Variants in GPHN observed in about 807,000 individuals in gnomAD.
GPHN encodes gephyrin.
In GPHN, 17 loss-of-function variants were observed where a neutral mutation model predicts 95.5. The observed-to-expected ratio is 0.18, with a 90% CI of 0.12 to 0.27. The LOEUF is 0.27. GPHN is among the 10% of genes least tolerant of loss of function. The pLI, the probability that GPHN is intolerant of heterozygous loss-of-function variation, is 1.00. For missense variants in GPHN, 660 were observed against 978.1 expected (o/e 0.67, Z 4.34); for synonymous variants, 320 against 322.5 (o/e 0.99, Z 0.08).
chr14:67,679,683 C>T, the GPHN span, among the ~76,000 whole-genome samples: 2 of 152,160 alleles, frequency 1.3e-5, no homozygotes, highest in African/African-American at 4.8e-5. Context: ...GGATTACAGG[C>T]ATGAGCCACT....
the GPHN span, chr14:67,724,392 GTTTTT>G: frequency 1.6e-4 from 113 of 689,512 alleles, no homozygotes; most frequent in East Asian, 4.1e-4. Context: ...GCTGGATAGA[GTTTTT>G]TTTTTTTTTT....
chr14:67,336,210 TCTC>T, the GPHN span: 5 of 152,282 alleles, frequency 3.3e-5, no homozygotes, highest in Non-Finnish European at 5.9e-5. Context: ...AGTCTTCATT[TCTC>T]CTTTTTTTCT....
chr14:66,530,855 C>T (rs1034232715), intron 1 of GPHN, among the ~76,000 whole-genome samples: 11 of 152,116 alleles, frequency 7.2e-5, no homozygotes, highest in African/African-American at 2.4e-4. Context: ...AATCACCTGC[C>T]TTCTGCGTTG....
At chr14:67,109,267 CA>C (rs1595175443) in intron 13 of GPHN, among the ~76,000 whole-genome samples, 1 of 152,112 alleles carries the variant, frequency 6.6e-6, no homozygotes, top group Non-Finnish European at 1.5e-5. Flanking sequence ...AATCTTTTGG[CA>C]GGGGGGATTA....
chr14:67,253,804 G>GCT, the GPHN span, among the ~76,000 whole-genome samples: 1 of 151,172 alleles, frequency 6.6e-6, no homozygotes, highest in Admixed American at 6.6e-5. Context: ...TTGTGCTGCT[G>GCT]CTCTTCAGTC....
the GPHN span, among the ~76,000 whole-genome samples, chr14:67,666,016 T>C: frequency 6.6e-6 from 1 of 152,206 alleles, no homozygotes; most frequent in African/African-American, 2.4e-5. Flanking sequence ...AAACGGCTAC[T>C]TCCATGGAGC....
intron 13 of GPHN, among the ~76,000 whole-genome samples, chr14:67,101,652 A>G (rs989422948): frequency 6.6e-6 from 1 of 151,558 alleles, no homozygotes; most frequent in Non-Finnish European, 1.5e-5. Flanking sequence ...TTCAAAGTAG[A>G]AAAAAACTGA....
At chr14:66,739,103 G>C (rs2072553383) in intron 2 of GPHN, among the ~76,000 whole-genome samples, 2 of 151,962 alleles carry the variant, frequency 1.3e-5, no homozygotes, top group African/African-American at 2.4e-5. Flanking sequence ...GAACATGACA[G>C]GGGCTTAAGA....
At chr14:66,572,685 A>C (rs1010146555) in intron 1 of GPHN, among the ~76,000 whole-genome samples, 1 of 152,068 alleles carries the variant, frequency 6.6e-6, no homozygotes, top group Non-Finnish European at 1.5e-5. Context: ...TTTTCTATAC[A>C]TAAGATGCTG....
intron 1 of GPHN, among the ~76,000 whole-genome samples, chr14:66,560,932 T>C (rs1174717808): frequency 1.3e-5 from 2 of 152,234 alleles, no homozygotes. Flanking sequence ...ACCTAATTTA[T>C]TGAGAGTTTT....
chr14:67,721,723 CTT>C, the GPHN span, among the ~76,000 whole-genome samples: 2 of 126,024 alleles, frequency 1.6e-5, no homozygotes, highest in Admixed American at 1.9e-4. Flanking sequence ...TAATTGAACA[CTT>C]AGAACAAGTG....
At chr14:67,659,901 G>C in the GPHN span, 2 of 1,613,728 alleles carry the variant, frequency 1.2e-6, no homozygotes, top group Non-Finnish European at 1.7e-6. Context: ...GCATAACGTA[G>C]CTCCTCCTCC....
chr14:66,562,145 GA>G (rs1454517885), intron 1 of GPHN, among the ~76,000 whole-genome samples: 1 of 152,048 alleles, frequency 6.6e-6, no homozygotes, highest in South Asian at 2.1e-4. Flanking sequence ...ATGAAGGGAA[GA>G]AAAAATGTCC....
At chr14:67,580,426 A>G in the GPHN span, 6,022 of 168,162 alleles carry the variant, frequency 0.036, 235 homozygotes, top group East Asian at 0.12. Context: ...AAGTGTTTGT[A>G]AGAATGTGCT....
chr14:66,626,747 A>G (rs1232345541), intron 1 of GPHN, among the ~76,000 whole-genome samples: 1 of 152,040 alleles, frequency 6.6e-6, no homozygotes, highest in African/African-American at 2.4e-5. Flanking sequence ...TTTTGTAGTT[A>G]AGAAGATAGC....
At position 67,058,543 on chromosome 14, in the gene GPHN, T is replaced by C. The variant is rs2075694044; in HGVS notation, c.1007-106T>C. 8 of 979,404 alleles carry C rather than the reference T, an allele frequency of 8.2e-6. No individual in the cohort carries two copies. The South Asian group carries it at 9.1e-5, about 11-fold the overall frequency. The allele number at this position is 979,404 out of a possible 1,614,324, so 60.7% of individuals were successfully genotyped here. The stretch of plus-strand genomic sequence containing the variant: ...AGAAACAGTTTCTTACCTGCTAATC[T>C]TCATCTGGGGACATTTGAAATTGGG... On this transcript the variant is annotated intron_variant, in intron 10 of 22. Transcript: ENST00000478722.
At chr14:67,240,880 C>T in the GPHN span, among the ~76,000 whole-genome samples, 1 of 152,256 alleles carries the variant, frequency 6.6e-6, no homozygotes, top group Non-Finnish European at 1.5e-5. Context: ...ACACTGCACA[C>T]ATCCAGGTGT....
At chr14:66,758,542 G>A (rs1275399512) in intron 2 of GPHN, among the ~76,000 whole-genome samples, 2 of 152,096 alleles carry the variant, frequency 1.3e-5, no homozygotes, top group Admixed American at 6.6e-5. Flanking sequence ...GCCTGAAGGC[G>A]AGAAGAGAGA....
chr14:67,378,495 C>T, the GPHN span, among the ~76,000 whole-genome samples: 2 of 152,208 alleles, frequency 1.3e-5, no homozygotes, highest in East Asian at 3.9e-4. Flanking sequence ...GGTCACACAG[C>T]TAACAAATCA....
Sources: gnomAD v4.1 joint callset for allele counts (sites outside exome capture counted in the v4.1 genomes callset) on GRCh38, gnomAD v4.1.1 for gene constraint, MANE v1.5 for transcripts, NCBI Gene and HGNC (gene_info 2026-07-23, HGNC 2026-07-21) for gene names.